Variants in CMSS1 observed in about 807,000 individuals in gnomAD.
CMSS1 encodes the protein cms1 ribosomal small subunit homolog, also known as protein CMSS1.
In CMSS1, 33 loss-of-function variants were observed where a neutral mutation model predicts 43.5. That is an observed-to-expected ratio of 0.76 (90% CI 0.57 to 1.01). The LOEUF is 1.01. Ranked by LOEUF, CMSS1 falls within the 50% of genes least tolerant of loss-of-function variation. The probability of loss-of-function intolerance (pLI) is 0.00; values close to 1 mark genes in which losing one functional copy is unlikely to be tolerated. For synonymous variants in CMSS1, 115 were observed against 117.2 expected (o/e 0.98, Z 0.12); for missense variants, 313 against 326.4 (o/e 0.96, Z 0.32).
intron 1 of CMSS1, among the ~76,000 whole-genome samples, chr3:100,044,763 GA>G (rs1048738357): frequency 6.6e-6 from 1 of 152,186 alleles, no homozygotes; most frequent in African/African-American, 2.4e-5. Flanking sequence ...GTAGATGAGA[GA>G]AGGAAACCAA....
intron 1 of CMSS1, among the ~76,000 whole-genome samples, chr3:99,911,040 T>C (rs995625261): frequency 6.6e-6 from 1 of 152,172 alleles, no homozygotes; most frequent in Non-Finnish European, 1.5e-5. Context: ...TCATTGCCGT[T>C]TGTTCATTCA....
At chr3:99,845,605 C>CCAATCTCTT (rs1389536493) in intron 1 of CMSS1, among the ~76,000 whole-genome samples, 1 of 152,124 alleles carries the variant, frequency 6.6e-6, no homozygotes, top group African/African-American at 2.4e-5. Context: ...CTGTAATCTT[C>CCAATCTCTT]CAATCTCTTT....
intron 1 of CMSS1, among the ~76,000 whole-genome samples, chr3:100,141,098 A>C (rs1436239500): frequency 6.6e-6 from 1 of 152,136 alleles, no homozygotes; most frequent in African/African-American, 2.4e-5. Context: ...GGTTTCCTAC[A>C]TTCCAAACCT....
intron 1 of CMSS1, among the ~76,000 whole-genome samples, chr3:99,843,969 G>A (rs1364149016): frequency 6.6e-6 from 1 of 152,158 alleles, no homozygotes; most frequent in Non-Finnish European, 1.5e-5. Flanking sequence ...TGAGTGGACA[G>A]TTTCATCCTG....
chr3:99,956,911 C>G (rs1294719681), intron 1 of CMSS1, among the ~76,000 whole-genome samples: 1 of 152,158 alleles, frequency 6.6e-6, no homozygotes, highest in Non-Finnish European at 1.5e-5. Context: ...AGCTTCTGCC[C>G]TCACCAATGG....
intron 1 of CMSS1, among the ~76,000 whole-genome samples, chr3:100,030,216 C>T (rs961090817): frequency 6.6e-6 from 1 of 152,052 alleles, no homozygotes; most frequent in Non-Finnish European, 1.5e-5. Flanking sequence ...TTTCTCTACT[C>T]TTTTTGGGCA....
At chr3:100,034,581 T>G (rs925282980) in intron 1 of CMSS1, among the ~76,000 whole-genome samples, 8 of 152,222 alleles carry the variant, frequency 5.3e-5, no homozygotes, top group African/African-American at 1.9e-4. Flanking sequence ...TGGCTGCTTT[T>G]GGTCATTTAA....
At chr3:100,117,195 T>C (rs979160570) in intron 1 of CMSS1, among the ~76,000 whole-genome samples, 2 of 152,210 alleles carry the variant, frequency 1.3e-5, no homozygotes, top group Non-Finnish European at 2.9e-5. Flanking sequence ...TTATAGTTGC[T>C]ATTTATTATG....
intron 1 of CMSS1, among the ~76,000 whole-genome samples, chr3:99,901,052 T>C (rs1706419267): frequency 6.6e-6 from 1 of 152,242 alleles, no homozygotes; most frequent in Admixed American, 6.5e-5. Context: ...GTGGAAATAC[T>C]GGATAACATT....
At chr3:100,118,992 C>A (rs1420429852) in intron 1 of CMSS1, among the ~76,000 whole-genome samples, 1 of 151,828 alleles carries the variant, frequency 6.6e-6, no homozygotes, top group Non-Finnish European at 1.5e-5. Context: ...TTTTTTGTTT[C>A]GTTTTTTGTT....
At chr3:100,062,096 T>C (rs867749174) in intron 1 of CMSS1, among the ~76,000 whole-genome samples, 287 of 39,400 alleles carry the variant, frequency 7.3e-3, no homozygotes, top group African/African-American at 0.01. Flanking sequence ...TCTTCTTCTT[T>C]TTTTTTTTTT....
At chr3:99,910,559 T>C (rs1240355018) in intron 1 of CMSS1, among the ~76,000 whole-genome samples, 1 of 136,774 alleles carries the variant, frequency 7.3e-6, no homozygotes, top group East Asian at 2.0e-4. Flanking sequence ...CTTACCACTT[T>C]CCAAGGAAAC....
intron 1 of CMSS1, among the ~76,000 whole-genome samples, chr3:99,820,491 C>A (rs1394522522): frequency 1.3e-5 from 2 of 152,192 alleles, no homozygotes; most frequent in Non-Finnish European, 2.9e-5. Context: ...ATCACCGCAC[C>A]CGGCCAAGAC....
chr3:100,028,906 C>G (rs1028055906), intron 1 of CMSS1, among the ~76,000 whole-genome samples: 1 of 152,068 alleles, frequency 6.6e-6, no homozygotes, highest in Non-Finnish European at 1.5e-5. Flanking sequence ...CACACAAAGA[C>G]ACACACACAC....
At chr3:100,151,737 A>G (rs950796864) in intron 2 of CMSS1, among the ~76,000 whole-genome samples, 6 of 152,160 alleles carry the variant, frequency 3.9e-5, no homozygotes, top group Admixed American at 6.5e-5. Flanking sequence ...TCTGGCTACC[A>G]CACTCTTCCT....
intron 1 of CMSS1, among the ~76,000 whole-genome samples, chr3:99,844,390 C>T (rs1943269614): frequency 6.6e-6 from 1 of 152,072 alleles, no homozygotes; most frequent in South Asian, 2.1e-4. Flanking sequence ...CCTATCTTTT[C>T]TCTTGGGATT....
At chr3:99,851,722 A>G (rs77266529) in intron 1 of CMSS1, among the ~76,000 whole-genome samples, 1 of 152,216 alleles carries the variant, frequency 6.6e-6, no homozygotes, top group Non-Finnish European at 1.5e-5. Context: ...ATTCTTAGTT[A>G]AGAAAAAATT....
intron 1 of CMSS1, among the ~76,000 whole-genome samples, chr3:99,891,437 C>A (rs1706079961): frequency 6.6e-6 from 1 of 152,080 alleles, no homozygotes; most frequent in Admixed American, 6.6e-5. Flanking sequence ...CTTTGCTTTA[C>A]CTTTCTAGGT....
chr3:100,151,363 T>C (rs1374676780), intron 2 of CMSS1, among the ~76,000 whole-genome samples: 1 of 152,234 alleles, frequency 6.6e-6, no homozygotes, highest in Non-Finnish European at 1.5e-5. Context: ...CCTCTGGCTC[T>C]GCTTCTCTTG....
Sources: allele counts gnomAD v4.1 joint callset (sites outside exome capture counted in the v4.1 genomes callset), GRCh38; gene constraint gnomAD v4.1.1; transcripts MANE v1.5; gene names NCBI Gene and HGNC (gene_info 2026-07-23, HGNC 2026-07-21).